Variants in SUPT3H observed in about 807,000 individuals in gnomAD.
The protein encoded by SUPT3H is SPT3 homolog, SAGA and STAGA complex component.
SUPT3H carries 44 observed loss-of-function variants against 44.3 expected under a neutral mutation model. That is an observed-to-expected ratio of 0.99 (90% CI 0.78 to 1.28). The LOEUF is 1.28. SUPT3H is among the 50% of genes most tolerant of loss of function. The pLI is 0.00. For missense variants in SUPT3H, 380 were observed against 387.1 expected (o/e 0.98, Z 0.15); for synonymous variants, 124 against 125.6 (o/e 0.99, Z 0.09).
intron 2 of SUPT3H, among the ~76,000 whole-genome samples, chr6:45,146,319 G>A (rs1806064672): frequency 6.6e-6 from 1 of 152,026 alleles, no homozygotes. Context: ...TATACTAAAT[G>A]GAATATATAA....
intron 2 of SUPT3H, among the ~76,000 whole-genome samples, chr6:45,353,927 G>C (rs1337309210): frequency 6.6e-6 from 1 of 151,796 alleles, no homozygotes; most frequent in Non-Finnish European, 1.5e-5. Flanking sequence ...AAAAAATACA[G>C]TAGAATTATA....
chr6:45,029,526 G>T (rs1437456058), intron 3 of SUPT3H, among the ~76,000 whole-genome samples: 1 of 151,812 alleles, frequency 6.6e-6, no homozygotes, highest in Non-Finnish European at 1.5e-5. Flanking sequence ...TAATTCTGTG[G>T]TTACTCTGTG....
chr6:45,051,489 C>A (rs1790293177), intron 3 of SUPT3H, among the ~76,000 whole-genome samples: 1 of 150,904 alleles, frequency 6.6e-6, no homozygotes, highest in Non-Finnish European at 1.5e-5. Context: ...ATGTATAATA[C>A]ATATTTATTA....
At chr6:45,023,055 T>A (rs190227602) in intron 3 of SUPT3H, among the ~76,000 whole-genome samples, 3 of 152,144 alleles carry the variant, frequency 2.0e-5, no homozygotes, top group African/African-American at 4.8e-5. Context: ...AAAGAAAGTT[T>A]TCTTTAACAA....
chr6:44,824,734 ACTCT>A (rs1313594316), downstream of SUPT3H, among the ~76,000 whole-genome samples: 2 of 151,432 alleles, frequency 1.3e-5, no homozygotes, highest in Non-Finnish European at 2.9e-5. Flanking sequence ...GAGAGACCTG[ACTCT>A]CTCTCTCTGT....
At chr6:45,270,489 T>A (rs9395087) in intron 2 of SUPT3H, among the ~76,000 whole-genome samples, 45,664 of 152,054 alleles carry the variant, frequency 0.3, 8,449 homozygotes, top group East Asian at 0.57. Flanking sequence ...AAACCTGTTT[T>A]GCTTAGCTCT....
intron 2 of SUPT3H, among the ~76,000 whole-genome samples, chr6:45,132,698 C>T (rs980432508): frequency 3.3e-4 from 50 of 152,132 alleles, no homozygotes; most frequent in African/African-American, 1.2e-3. Context: ...AATAACCCAT[C>T]TGAATTTATT....
chr6:45,093,132 G>T (rs1797357990), intron 3 of SUPT3H, among the ~76,000 whole-genome samples: 3 of 151,734 alleles, frequency 2.0e-5, no homozygotes, highest in South Asian at 4.2e-4. Context: ...AATCTAAAGG[G>T]ATAAAAATAC....
At chr6:45,264,652 T>C (rs150953338) in intron 2 of SUPT3H, among the ~76,000 whole-genome samples, 163 of 152,308 alleles carry the variant, frequency 1.1e-3, no homozygotes, top group Non-Finnish European at 1.8e-3. Flanking sequence ...CCTGCACTTC[T>C]TGTGAGGCAG....
chr6:45,234,530 C>CAAAAAAAAAAAAAAA (rs10713328), intron 2 of SUPT3H, among the ~76,000 whole-genome samples: 17 of 126,952 alleles, frequency 1.3e-4, no homozygotes, highest in South Asian at 2.5e-4. Context: ...GACGCTGTCA[C>CAAAAAAAAAAAAAAA]AAAAAAAAAA....
chr6:45,276,139 T>C (rs1405038481), intron 2 of SUPT3H, among the ~76,000 whole-genome samples: 1 of 152,058 alleles, frequency 6.6e-6, no homozygotes, highest in Non-Finnish European at 1.5e-5. Context: ...ACTGCATTAC[T>C]GTTTATTTTA....
chr6:45,132,627 T>C (rs1409121445), intron 2 of SUPT3H, among the ~76,000 whole-genome samples: 1 of 152,196 alleles, frequency 6.6e-6, no homozygotes, highest in Non-Finnish European at 1.5e-5. Flanking sequence ...CATGTCACTA[T>C]TTTTTATTGA....
chr6:45,003,887 C>T (rs1782352752), intron 5 of SUPT3H, 95 bp from the exon 6 acceptor site: 1 of 1,312,828 alleles, frequency 7.6e-7, no homozygotes, highest in Non-Finnish European at 1.0e-6. Flanking sequence ...ATACCAAATT[C>T]AGAATTGGGA....
chr6:44,920,893 T>C lies in SUPT3H; in HGVS notation c.912+11760A>G, dbSNP rs575471112. On this transcript the variant is annotated intron_variant, in intron 10 of 10. Transcript: ENST00000371459. ...CCTGCTCCTCTGTGTGCTTGTATTG[T>C]CTTTTCAAAATCACTATTCATTCCC... Among the ~76,000 whole-genome samples the C allele has an allele frequency of 2.0e-4, 31 of 152,328 alleles. 1 individual carries two copies. The South Asian group carries it at 6.0e-3, about 30-fold the overall frequency.
At chr6:44,894,983 A>G (rs1384755776) in intron 10 of SUPT3H, among the ~76,000 whole-genome samples, 1 of 151,996 alleles carries the variant, frequency 6.6e-6, no homozygotes, top group African/African-American at 2.4e-5. Flanking sequence ...GAAGAGAAAT[A>G]CCTCTAATGA....
rs2153408640 is a variant in SUPT3H, at chr6:44,829,163, G to A, written c.*653C>T. ...CAGGAAAAGGAGGGAAATGAAGATG[G>A]AGGAAGAGGTTCTGTGTGAGGAAAA... On this transcript the variant is annotated 3_prime_UTR_variant, in exon 11 of 11. Coordinates refer to ENST00000371459, the MANE Select transcript of SUPT3H (RefSeq NM_003599.4). 1 of 152,594 alleles carries A rather than the reference G, an allele frequency of 6.6e-6. No homozygotes were observed. The allele number at this position is 152,594 out of a possible 1,614,324, so 9.5% of individuals were successfully genotyped here. A position where few individuals can be genotyped will look rare whatever the true frequency, so the allele number is the denominator to read the frequency against.
intron 2 of SUPT3H, among the ~76,000 whole-genome samples, chr6:45,310,808 C>T (rs1783829524): frequency 6.6e-6 from 1 of 152,204 alleles, no homozygotes; most frequent in Non-Finnish European, 1.5e-5. Context: ...TTCCCTCTGA[C>T]AGAGCCTACC....
In SUPT3H at chr6:44,902,358, GGCAGGATT is replaced by G. The variant is rs1036464433; in HGVS notation, c.912+30287_912+30294del. ...ACCAAGCAAATGGAAAACAAAAAAA[GGCAGGATT>G]GCAGGGGTTGCAATCCTAGTCTCTG... On this transcript the variant is annotated intron_variant, in intron 10 of 10. Transcript: ENST00000371459. Among the ~76,000 whole-genome samples the G allele has an allele frequency of 3.9e-3, 597 of 151,922 alleles. 6 individuals carry two copies. The highest frequency in any genetic ancestry group is 0.014 in the African/African-American group (567 of 41,482).
In SUPT3H at chr6:45,105,939, T is replaced by G; in HGVS notation, c.169A>C (p.Thr57Pro). 1 of 1,613,426 alleles carries G rather than the reference T, an allele frequency of 6.2e-7. No homozygotes were observed. ...GCTCTTACCAGATTAATTAACTGAG[T>G]GTGTACCACATCTTCTACCAAAACT... ...TAVLVEDVVH[T>P]QLINLLQQAA... The change falls in exon 3 of 11, where the codon ACT (threonine) becomes CCT (proline). Residue 57 changes from threonine to proline, a missense_variant. Thr to Pro is a conservative substitution (Grantham distance 38). Coordinates refer to ENST00000371459, the MANE Select transcript of SUPT3H (RefSeq NM_003599.4).
Sources: gnomAD v4.1 joint callset for allele counts (sites outside exome capture counted in the v4.1 genomes callset) on GRCh38, gnomAD v4.1.1 for gene constraint, MANE v1.5 for transcripts, NCBI Gene and HGNC (gene_info 2026-07-23, HGNC 2026-07-21) for gene names.